ADGRG1: variants seen among roughly 807,000 people sequenced by gnomAD.
The protein encoded by ADGRG1 is adhesion G protein-coupled receptor G1, also known as 7-transmembrane protein with no EGF-like N-terminal domains-1.
Under a neutral mutation model 73.5 loss-of-function variants are expected in ADGRG1, and 53 were observed. The observed-to-expected ratio is 0.72, with a 90% CI of 0.58 to 0.91. The LOEUF (loss-of-function observed/expected upper bound fraction) is 0.91. Among genes scored for constraint, ADGRG1 ranks in the 40% least tolerant of loss-of-function variants. The pLI is 0.00. For synonymous variants in ADGRG1, 394 were observed against 374.4 expected (o/e 1.05, Z -0.60); for missense variants, 795 against 871.8 (o/e 0.91, Z 1.11).
rs1321291524 is a variant in ADGRG1, at chr16:57,655,429, G to T, written c.799G>T (p.Val267Leu). Reference sequence around the variant, plus strand: ...GCAGAGCGAGATCATGGAGTACTCGGTGCTGCTGCCTCGAACACTCTTCCA... The same window carrying T: ...GCAGAGCGAGATCATGGAGTACTCGTTGCTGCTGCCTCGAACACTCTTCCA... ...EEQSEIMEYS[V>L]LLPRTLFQRT... is the part of the protein sequence containing the mutation. The change falls in exon 6 of 14, where the codon GTG (valine) becomes TTG (leucine). Residue 267 changes from valine to leucine, a missense_variant. Coordinates refer to ENST00000562631, the MANE Select transcript of ADGRG1 (RefSeq NM_201525.4). 1.2e-6 allele frequency: 2 copies of T among 1,613,592 alleles called. No homozygotes were observed. Among genetic ancestry groups the T allele is most frequent in the East Asian group, 4.5e-5 (2 of 44,886 alleles).
upstream of ADGRG1, chr16:57,623,974 A>G (rs2035364165): frequency 3.2e-6 from 1 of 313,720 alleles, no homozygotes; most frequent in African/African-American, 2.3e-5. Context: ...TTAAATGGGA[A>G]CAATCATCAC....
chr16:57,654,243 G>A, intron 5 of ADGRG1, 110 bp downstream of exon 5: 2 of 1,116,268 alleles, frequency 1.8e-6, no homozygotes, highest in Non-Finnish European at 2.6e-6. Context: ...CTCTCCCTGG[G>A]GCCTCCCGAG....
Position 57,637,504 on chromosome 16 carries a change from C to G in ADGRG1, c.-36+8702C>G, listed in dbSNP as rs975855392. On this transcript the variant is annotated intron_variant, in intron 1 of 13. Transcript: ENST00000562631. ...CTGAACCACAGCCCCTTGCCAGCTC[C>G]CTTTAAGCACAGGATCCTTTGATGC... 4.1e-6 allele frequency: 4 copies of G among 985,312 alleles called. No individual in the cohort carries two copies. In the Admixed American group the frequency reaches 2.5e-4, roughly 61 times the overall value. 61.0% of individuals were successfully genotyped at this position (985,312 alleles called of 1,614,324 possible).
At chr16:57,630,908 C>T in intron 1 of ADGRG1, 2 of 972,142 alleles carry the variant, frequency 2.1e-6, no homozygotes, top group Non-Finnish European at 2.4e-6. Flanking sequence ...GATACCGGAC[C>T]CCTGGCATGG....
At chr16:57,662,093 G>C (rs1198849788) in intron 13 of ADGRG1, 128 bp downstream of exon 13, 2 of 790,344 alleles carry the variant, frequency 2.5e-6, no homozygotes, top group Non-Finnish European at 4.5e-6. Flanking sequence ...TCATAAAATG[G>C]GGACATCCAG....
At chr16:57,631,012 T>A in intron 1 of ADGRG1, 1 of 986,000 alleles carries the variant, frequency 1.0e-6, no homozygotes, top group Non-Finnish European at 1.2e-6. Context: ...GCAGGTGCTG[T>A]GTGGGGCTGG....
chr16:57,630,598 C>G (rs1270940011), intron 1 of ADGRG1: 1 of 870,922 alleles, frequency 1.1e-6, no homozygotes, highest in Middle Eastern at 5.8e-4. Context: ...GTGTCCCGGC[C>G]TGGGCCACTG....
chr16:57,635,908 G>T, intron 1 of ADGRG1: 2 of 985,374 alleles, frequency 2.0e-6, no homozygotes, highest in Non-Finnish European at 2.4e-6. Context: ...CTGGAAGCAT[G>T]GGAGGCCAAG....
At chr16:57,662,061 C>A in intron 13 of ADGRG1, 96 bp downstream of exon 13, 2 of 981,148 alleles carry the variant, frequency 2.0e-6, no homozygotes, top group Non-Finnish European at 1.7e-6. Flanking sequence ...GACTTCCCTT[C>A]TCTGGGCCTC....
intron 7 of ADGRG1, 68 bp downstream of exon 7, chr16:57,656,060 T>A: frequency 1.2e-6 from 2 of 1,613,478 alleles, no homozygotes; most frequent in South Asian, 2.2e-5. Flanking sequence ...TCTCCCTCCC[T>A]CCAGACTCAT....
rs80146528 is a variant in ADGRG1 at position 57,630,997 on chromosome 16, G to A, written c.-36+2195G>A. The A allele has an allele frequency of 3.6e-4, 357 of 986,062 alleles. No individual in the cohort carries two copies. In the African/African-American group the frequency reaches 5.1e-3, roughly 14 times the overall value. The allele number at this position is 986,062 out of a possible 1,614,324, so 61.1% of individuals were successfully genotyped here. A position where few individuals can be genotyped will look rare whatever the true frequency, so the allele number is the denominator to read the frequency against. On this transcript the variant is annotated intron_variant, in intron 1 of 13. Transcript: ENST00000562631. ...GGGGGGAAGAGAGGCAGGAGGACTC[G>A]CCAGGCAGGTGCTGTGTGGGGCTGG... is the stretch of plus-strand genomic sequence containing the variant.
intron 1 of ADGRG1, chr16:57,634,227 C>A: frequency 1.0e-6 from 1 of 985,430 alleles, no homozygotes; most frequent in Non-Finnish European, 1.2e-6. Flanking sequence ...CAGGGTGTGG[C>A]TCTGTGGCTG....
chr16:57,626,382 T>C (rs1198201613), upstream of ADGRG1, among the ~76,000 whole-genome samples: 1 of 152,172 alleles, frequency 6.6e-6, no homozygotes, highest in Admixed American at 6.5e-5. Context: ...ATTGAATTTC[T>C]CCCCCTTTAC....
intron 1 of ADGRG1, 107 bp from the exon 2 acceptor site, chr16:57,650,146 C>A (rs1001979488): frequency 1.9e-6 from 3 of 1,539,640 alleles, no homozygotes; most frequent in Non-Finnish European, 2.6e-6. Flanking sequence ...ACACTTGCTT[C>A]CCCACCTCAC....
intron 1 of ADGRG1, chr16:57,647,434 G>A (rs2042965698): frequency 1.5e-5 from 15 of 985,102 alleles, no homozygotes; most frequent in Non-Finnish European, 1.7e-5. Context: ...GGCATGAGCT[G>A]TTTAGAAAGT....
At chr16:57,624,524 C>T (rs1352674430), upstream of ADGRG1, among the ~76,000 whole-genome samples, 3 of 152,298 alleles carry the variant, frequency 2.0e-5, no homozygotes, top group East Asian at 5.8e-4. Context: ...AAACCCACTT[C>T]TGAGCAGGCA....
chr16:57,662,946 T>C (rs1316270746), intron 13 of ADGRG1: 4 of 985,328 alleles, frequency 4.1e-6, no homozygotes, highest in South Asian at 9.4e-5. Context: ...GGTGGGGAGA[T>C]GTTACCACAT....
At chr16:57,630,542 G>C in intron 1 of ADGRG1, 1 of 985,298 alleles carries the variant, frequency 1.0e-6, no homozygotes, top group Non-Finnish European at 1.2e-6. Flanking sequence ...GAGAGTGTCG[G>C]GTGATGGAGA....
At chr16:57,630,501 C>T in intron 1 of ADGRG1, 2 of 985,676 alleles carry the variant, frequency 2.0e-6, no homozygotes, top group Non-Finnish European at 2.4e-6. Context: ...TCACAGCTGC[C>T]CTGGCTCCCG....
Sources: gnomAD v4.1 joint callset for allele counts (sites outside exome capture counted in the v4.1 genomes callset) on GRCh38, gnomAD v4.1.1 for gene constraint, MANE v1.5 for transcripts, NCBI Gene and HGNC (gene_info 2026-07-23, HGNC 2026-07-21) for gene names.